Variants in TBCD observed in about 807,000 individuals in gnomAD.
TBCD encodes tubulin folding cofactor D.
Under a neutral mutation model 169.3 loss-of-function variants are expected in TBCD, and 105 were observed. The ratio of observed to expected loss-of-function variants is 0.62; its 90% CI spans 0.53 to 0.73. TBCD has a LOEUF of 0.73. Among genes scored for constraint, TBCD ranks in the 30% least tolerant of loss-of-function variants. The pLI is 0.00. For missense variants in TBCD, 1,444 were observed against 1,600.1 expected, an observed-to-expected ratio of 0.90 and a Z score of 1.66; for synonymous variants, 700 against 643.9, an observed-to-expected ratio of 1.09 and a Z score of -1.32.
intron 6 of TBCD, among the ~76,000 whole-genome samples, chr17:82,778,653 C>T (rs1281786688): frequency 4.1e-5 from 6 of 145,160 alleles, no homozygotes; most frequent in South Asian, 2.2e-4. Context: ...TTTTTTGAGA[C>T]GGAGCTTTGC....
At chr17:82,792,537 G>A (rs998836343) in intron 7 of TBCD, among the ~76,000 whole-genome samples, 4 of 152,166 alleles carry the variant, frequency 2.6e-5, no homozygotes, top group East Asian at 1.9e-4. Flanking sequence ...AATGACAGAC[G>A]TAGGAAGCCA....
chr17:82,756,692 A>G (rs2047419900), intron 2 of TBCD, among the ~76,000 whole-genome samples: 1 of 151,986 alleles, frequency 6.6e-6, no homozygotes, highest in African/African-American at 2.4e-5. Flanking sequence ...GTTGGCCAGG[A>G]TGGTCTTGAT....
intron 17 of TBCD, 77 bp from the exon 18 acceptor site, chr17:82,900,574 T>C: frequency 2.7e-6 from 3 of 1,129,362 alleles, no homozygotes; most frequent in South Asian, 1.3e-5. Context: ...TGAAAGTAAC[T>C]GTGCTGAATT....
chr17:82,825,570 T>TG (rs746008375), intron 13 of TBCD, among the ~76,000 whole-genome samples: 1 of 152,112 alleles, frequency 6.6e-6, no homozygotes, highest in Non-Finnish European at 1.5e-5. Flanking sequence ...CTGACAGGGC[T>TG]GGGGGACCTG....
chr17:82,850,387 G>C (rs111164329), intron 13 of TBCD, among the ~76,000 whole-genome samples: 4,234 of 43,838 alleles, frequency 0.097, 49 homozygotes, highest in African/African-American at 0.18. Context: ...TGTTGGCTGT[G>C]CTGTTGTTGG....
intron 13 of TBCD, among the ~76,000 whole-genome samples, chr17:82,816,175 A>C (rs1261473689): frequency 6.6e-6 from 1 of 152,070 alleles, no homozygotes; most frequent in Non-Finnish European, 1.5e-5. Context: ...TGGCGTCCGA[A>C]TTCTTCGGCT....
rs139335282 is a variant in TBCD, at chr17:82,830,692, G to T, written c.1318+15758G>T. On this transcript the variant is annotated intron_variant, in intron 13 of 38. Coordinates refer to ENST00000355528, the MANE Select transcript of TBCD (RefSeq NM_005993.5). ...AAGGTCCTGCAGCTCTGAGAAGCTG[G>T]CGGTTTCCGCCTGGGGGCTGCCTTG... The T allele has an allele frequency of 1.9e-6, 3 of 1,614,038 alleles. No homozygotes were observed. In the African/African-American group the frequency reaches 4.0e-5, roughly 22 times the overall value.
chr17:82,820,269 C>T (rs528349238), intron 13 of TBCD, among the ~76,000 whole-genome samples: 14 of 152,308 alleles, frequency 9.2e-5, no homozygotes, highest in South Asian at 6.2e-4. Context: ...TGAGGCACTG[C>T]GCCCAGCCAA....
chr17:82,783,738 G>A (rs1023711422), intron 7 of TBCD, among the ~76,000 whole-genome samples: 3 of 152,314 alleles, frequency 2.0e-5, no homozygotes, highest in South Asian at 2.1e-4. Context: ...ATATGCCAGC[G>A]TGTGGGTATT....
intron 23 of TBCD, among the ~76,000 whole-genome samples, chr17:82,912,163 G>A (rs942509962): frequency 6.6e-6 from 1 of 152,212 alleles, no homozygotes; most frequent in Non-Finnish European, 1.5e-5. Context: ...GAGCAGCCCT[G>A]GTCGTGCCCT....
chr17:82,907,775 A>G lies in TBCD; in HGVS notation c.1937A>G (p.His646Arg). ...AACTTCTGCAGGCCCGTCACGGACC[A>G]TCTGGACGAGCAGGCAGTGCAGGGC... ...AAQENRPVTD[H>R]LDEQAVQGLK... The change falls in exon 21 of 39, where the codon CAT becomes CGT. Residue 646 changes from histidine to arginine, a missense_variant. Coordinates refer to ENST00000355528, the MANE Select transcript of TBCD (RefSeq NM_005993.5). 6.2e-7 allele frequency: 1 copy of G among 1,613,826 alleles called. No homozygotes were observed.
At chr17:82,900,555 A>G (rs2059818137) in intron 17 of TBCD, 96 bp from the exon 18 acceptor site, 1 of 957,052 alleles carries the variant, frequency 1.0e-6, no homozygotes, top group Admixed American at 1.9e-5. Flanking sequence ...GAAATGGGCA[A>G]ACTGGTTTTG....
rs1366472125 is a variant in TBCD, at chr17:82,903,456, AC to A, written c.1785del (p.Glu596SerfsTer14). ...CGCTGCACAACCTGGCCCAGCAGGC[AC>A]CCGAGTTCAGCGCCACGCAAGGTGG... ...RALHNLAQQA[P>X]EFSATQVFPR... On this transcript the variant is annotated frameshift_variant, in exon 19 of 39. Coordinates refer to ENST00000355528, the MANE Select transcript of TBCD (RefSeq NM_005993.5). LOFTEE classifies it high-confidence loss of function. The surrounding 1 kb of genome is among the most constrained non-coding windows in gnomAD (Gnocchi z 4.8). 6.3e-7 allele frequency: 1 copy of A among 1,599,762 alleles called. No individual in the cohort carries two copies. Among genetic ancestry groups the A allele is most frequent in the Admixed American group, 1.7e-5 (1 of 58,172 alleles).
chr17:82,916,502 C>T (rs2061044716), intron 23 of TBCD, among the ~76,000 whole-genome samples: 1 of 149,928 alleles, frequency 6.7e-6, no homozygotes, highest in South Asian at 2.2e-4. Context: ...ACCTCGGCCT[C>T]CCAAAGGTGC....
chr17:82,785,297 GA>G (rs1568129269), intron 7 of TBCD, among the ~76,000 whole-genome samples: 8 of 39,484 alleles, frequency 2.0e-4, no homozygotes, highest in South Asian at 1.8e-3. Context: ...CACTGGACCC[GA>G]CCCATCGCAG....
At chr17:82,905,039 C>T (rs374992647) in intron 19 of TBCD, among the ~76,000 whole-genome samples, 2 of 152,218 alleles carry the variant, frequency 1.3e-5, no homozygotes, top group South Asian at 2.1e-4. Flanking sequence ...GGCTTAGGCT[C>T]GGGGAGCTTG....
In TBCD at chr17:82,938,076, C is replaced by T. The variant is rs776402862; in HGVS notation, c.3309C>T (p.Gly1103=). Residue 1103 remains glycine, a synonymous_variant, in exon 36 of 39, where the codon GGC becomes GGT. Transcript: ENST00000355528. ...TCTGCGAGATGGTGCAGTTCCCCGG[C>T]GACGTGAGGAGGCAGGCCCTCCTGC... ...AVFCEMVQFP[G]DVRRQALLQL... is the part of the protein sequence containing the mutation. The T allele has an allele frequency of 1.2e-5, 19 of 1,612,974 alleles. No homozygotes were observed. The highest frequency in any genetic ancestry group is 9.9e-5 in the South Asian group (9 of 91,088).
intron 21 of TBCD, among the ~76,000 whole-genome samples, chr17:82,908,921 A>G (rs2060428847): frequency 6.6e-6 from 1 of 152,228 alleles, no homozygotes; most frequent in Admixed American, 6.5e-5. Flanking sequence ...GCTCTCTTAC[A>G]AAAAAAGAAA....
Position 82,831,010 on chromosome 17 carries a change from T to TTTTC in TBCD, c.1318+16079_1318+16082dup, listed in dbSNP as rs1283739889. The TTTTC allele has an allele frequency of 3.1e-6, 5 of 1,614,032 alleles. No individual in the cohort carries two copies. The South Asian group carries it at 5.5e-5, about 18-fold the overall frequency. On this transcript the variant is annotated intron_variant, in intron 13 of 38. Coordinates refer to ENST00000355528, the MANE Select transcript of TBCD (RefSeq NM_005993.5). The surrounding 1 kb of genome is among the most constrained non-coding windows in gnomAD (Gnocchi z 4.6). The stretch of plus-strand genomic sequence containing the variant: ...TCCCTTGGAGGTTTTGAAAATGACA[T>TTTTC]TTTCTTACCTTACTGGAGACTCTGC...
Sources: allele counts gnomAD v4.1 joint callset (sites outside exome capture counted in the v4.1 genomes callset), GRCh38; gene constraint gnomAD v4.1.1; non-coding constraint Gnocchi (gnomAD v3.1); transcripts MANE v1.5; gene names NCBI Gene and HGNC (gene_info 2026-07-23, HGNC 2026-07-21).